The following KSR2 variants were observed in gnomAD, a reference collection of about 807,000 sequenced individuals.
KSR2 encodes kinase suppressor of ras 2.
A neutral mutation model predicts 107.8 loss-of-function variants in KSR2; 25 were observed. The observed-to-expected ratio is 0.23, with a 90% CI of 0.17 to 0.32. KSR2 has a LOEUF of 0.32. Ranked by LOEUF, KSR2 falls within the 10% of genes least tolerant of loss-of-function variation. The probability of loss-of-function intolerance (pLI) is 1.00; values close to 1 mark genes in which losing one functional copy is unlikely to be tolerated. For missense variants in KSR2, 887 were observed against 1,268.9 expected (o/e 0.70, Z 4.57); for synonymous variants, 480 against 507.0 (o/e 0.95, Z 0.71).
At chr12:117,805,968 G>A (rs1890993521) in intron 3 of KSR2, among the ~76,000 whole-genome samples, 1 of 152,020 alleles carries the variant, frequency 6.6e-6, no homozygotes, top group Admixed American at 6.6e-5. Context: ...GGTGACAGAG[G>A]AAGACTCTGC....
At chr12:117,605,257 C>T (rs1406353266) in intron 5 of KSR2, among the ~76,000 whole-genome samples, 2 of 152,166 alleles carry the variant, frequency 1.3e-5, no homozygotes, top group African/African-American at 2.4e-5. Context: ...GTGTTAAGGA[C>T]ACTCTCTCCA....
At chr12:117,717,669 GTGTGTGTGT>G (rs1887041622) in intron 4 of KSR2, among the ~76,000 whole-genome samples, 1 of 3,646 alleles carries the variant, frequency 2.7e-4, no homozygotes, top group Admixed American at 3.0e-3. Flanking sequence ...GCAGACAGGT[GTGTGTGTGT>G]GTGTGTGTGT....
At chr12:117,835,753 C>A (rs1892182646) in intron 3 of KSR2, among the ~76,000 whole-genome samples, 1 of 152,056 alleles carries the variant, frequency 6.6e-6, no homozygotes, top group Non-Finnish European at 1.5e-5. Context: ...TCTTCCAAGG[C>A]ATGGGACAGT....
chr12:117,675,677 C>T (rs953913992), intron 4 of KSR2, among the ~76,000 whole-genome samples: 2 of 152,218 alleles, frequency 1.3e-5, no homozygotes, highest in Non-Finnish European at 2.9e-5. Flanking sequence ...AACAGAGCCG[C>T]TGGCTCACAT....
chr12:117,892,776 T>C (rs1894384057), intron 1 of KSR2, among the ~76,000 whole-genome samples: 1 of 124,648 alleles, frequency 8.0e-6, no homozygotes, highest in Non-Finnish European at 1.6e-5. Flanking sequence ...TGCTGACATC[T>C]GTGCTATGTG....
chr12:117,667,734 TTG>T, intron 4 of KSR2, 76 bp from the exon 5 acceptor site: 1 of 1,288,140 alleles, frequency 7.8e-7, no homozygotes, highest in Non-Finnish European at 1.0e-6. Context: ...AGGCCCAGCC[TTG>T]TGTTTCCCAT....
chr12:117,532,003 C>T (rs1436624920), intron 10 of KSR2, among the ~76,000 whole-genome samples: 1 of 152,196 alleles, frequency 6.6e-6, no homozygotes, highest in African/African-American at 2.4e-5. Context: ...TAATTACACA[C>T]ACACACACAG....
chr12:117,749,604 T>C (rs1888541704), intron 4 of KSR2, among the ~76,000 whole-genome samples: 1 of 152,116 alleles, frequency 6.6e-6, no homozygotes, highest in African/African-American at 2.4e-5. Flanking sequence ...AGAAGCACAT[T>C]CTTGAGCTAA....
intron 1 of KSR2, among the ~76,000 whole-genome samples, chr12:117,933,611 G>T (rs956061667): frequency 6.6e-6 from 1 of 151,824 alleles, no homozygotes; most frequent in African/African-American, 2.4e-5. Flanking sequence ...AATAAAGTAT[G>T]CATTGTTTAT....
At chr12:117,850,189 C>G (rs1593303237) in intron 3 of KSR2, among the ~76,000 whole-genome samples, 2 of 152,170 alleles carry the variant, frequency 1.3e-5, no homozygotes, top group South Asian at 4.1e-4. Context: ...GCAAGCACAT[C>G]ACACAGCTTT....
intron 4 of KSR2, among the ~76,000 whole-genome samples, chr12:117,756,057 T>A (rs1023557282): frequency 6.6e-6 from 1 of 152,118 alleles, no homozygotes; most frequent in African/African-American, 2.4e-5. Context: ...CCAGTAGAGG[T>A]TGGCTTATAA....
chr12:117,748,157 A>G (rs1888480346), intron 4 of KSR2, among the ~76,000 whole-genome samples: 1 of 152,222 alleles, frequency 6.6e-6, no homozygotes, highest in South Asian at 2.1e-4. Flanking sequence ...CTGTGACACC[A>G]TGAGTGAACC....
intron 5 of KSR2, among the ~76,000 whole-genome samples, chr12:117,622,028 A>C (rs1381442171): frequency 6.6e-6 from 1 of 152,084 alleles, no homozygotes; most frequent in Non-Finnish European, 1.5e-5. Context: ...GAATAATCTC[A>C]GTGAGCACAT....
intron 5 of KSR2, among the ~76,000 whole-genome samples, chr12:117,649,641 C>T (rs1883801111): frequency 6.6e-6 from 1 of 152,116 alleles, no homozygotes; most frequent in African/African-American, 2.4e-5. Flanking sequence ...CAGGCTTGTC[C>T]AACTCTCAGT....
intron 5 of KSR2, among the ~76,000 whole-genome samples, chr12:117,601,945 T>C (rs993264522): frequency 1.9e-4 from 29 of 152,194 alleles, no homozygotes; most frequent in Non-Finnish European, 4.1e-4. Flanking sequence ...ATAGTAACTA[T>C]TTTAGACTTT....
chr12:117,705,290 T>A (rs1320775290), intron 4 of KSR2, among the ~76,000 whole-genome samples: 2 of 152,148 alleles, frequency 1.3e-5, no homozygotes, highest in Non-Finnish European at 2.9e-5. Flanking sequence ...GAGGAGAAGA[T>A]CCATCTCTCA....
At chr12:117,626,287 T>C (rs1044016427) in intron 5 of KSR2, among the ~76,000 whole-genome samples, 3 of 152,224 alleles carry the variant, frequency 2.0e-5, no homozygotes, top group Admixed American at 1.3e-4. Flanking sequence ...GTTCTTTTAA[T>C]TGTGATGTTG....
chr12:117,729,017 C>T (rs868481873), intron 4 of KSR2, among the ~76,000 whole-genome samples: 1 of 152,172 alleles, frequency 6.6e-6, no homozygotes, highest in Non-Finnish European at 1.5e-5. Context: ...TGCGAGTTTC[C>T]TTTTGCAAAA....
intron 1 of KSR2, among the ~76,000 whole-genome samples, chr12:117,861,943 T>TGAGCAG (rs1330758672): frequency 2.0e-5 from 3 of 152,178 alleles, no homozygotes; most frequent in Non-Finnish European, 4.4e-5. Flanking sequence ...CCTGTGTGTC[T>TGAGCAG]GAGCAGAGAA....
Sources: allele counts gnomAD v4.1 joint callset (sites outside exome capture counted in the v4.1 genomes callset), GRCh38; gene constraint gnomAD v4.1.1; transcripts MANE v1.5; gene names NCBI Gene and HGNC (gene_info 2026-07-23, HGNC 2026-07-21).